SLC24A3: variants seen among roughly 807,000 people sequenced by gnomAD.
The protein encoded by SLC24A3 is sodium/potassium/calcium exchanger 3.
SLC24A3 carries 28 observed loss-of-function variants against 75.8 expected under a neutral mutation model. The observed-to-expected ratio is 0.37, with a 90% confidence interval of 0.27 to 0.51. The LOEUF (loss-of-function observed/expected upper bound fraction) is 0.51. Ranked by LOEUF, SLC24A3 falls within the 20% of genes least tolerant of loss-of-function variation. The pLI, the probability that SLC24A3 is intolerant of heterozygous loss-of-function variation, is 0.94. For synonymous variants in SLC24A3, 372 were observed against 334.1 expected (o/e 1.11, Z -1.24); for missense variants, 663 against 847.8 (o/e 0.78, Z 2.71).
chr20:19,213,126 A>G (rs913171333), intron 1 of SLC24A3, 142 bp downstream of exon 1: 1 of 932,656 alleles, frequency 1.1e-6, no homozygotes, highest in Non-Finnish European at 1.4e-6. Flanking sequence ...GTGGGATGCC[A>G]GGCACGAGGA....
chr20:19,277,930 C>CAG (rs1983533655), intron 1 of SLC24A3, among the ~76,000 whole-genome samples: 1 of 152,222 alleles, frequency 6.6e-6, no homozygotes, highest in Admixed American at 6.5e-5. Context: ...CAAAGCATTT[C>CAG]TCCTTGACCC....
intron 6 of SLC24A3, among the ~76,000 whole-genome samples, chr20:19,650,003 T>G (rs1056005420): frequency 6.6e-6 from 1 of 152,150 alleles, no homozygotes. Context: ...AATGGTGGTG[T>G]CAGAAAGGTA....
chr20:19,626,244 A>T (rs1467084680), intron 6 of SLC24A3, among the ~76,000 whole-genome samples: 2 of 152,184 alleles, frequency 1.3e-5, no homozygotes, highest in African/African-American at 4.8e-5. Context: ...GTCCAGAAAG[A>T]AATGCATTAT....
chr20:19,666,718 T>C (rs1461086398), intron 8 of SLC24A3, among the ~76,000 whole-genome samples: 1 of 152,098 alleles, frequency 6.6e-6, no homozygotes, highest in Non-Finnish European at 1.5e-5. Context: ...GCATGGTGGC[T>C]CATGCCTGTA....
At position 19,681,909 on chromosome 20, in the gene SLC24A3, G is replaced by C; in HGVS notation, c.819G>C (p.Gly273=). The C allele has an allele frequency of 6.2e-7, 1 of 1,614,150 alleles. No homozygotes were observed. Among genetic ancestry groups the C allele is most frequent in the East Asian group, 2.2e-5 (1 of 44,890 alleles). ...TTGAGAGGAGGACAAAAGGTGCCGG[G>C]AACATGGTCAACGGATTGGCCAACA... ...QCFERRTKGA[G]NMVNGLANNA... is the part of the protein sequence containing the mutation. Residue 273 remains glycine, a synonymous_variant, in exon 10 of 17, where the codon GGG becomes GGC. Coordinates refer to ENST00000328041, the MANE Select transcript of SLC24A3 (RefSeq NM_020689.4).
At chr20:19,382,285 A>G (rs1252174227) in intron 2 of SLC24A3, among the ~76,000 whole-genome samples, 2 of 152,210 alleles carry the variant, frequency 1.3e-5, no homozygotes, top group East Asian at 3.9e-4. Context: ...GATAGTGCAC[A>G]ATGCATGATC....
intron 1 of SLC24A3, among the ~76,000 whole-genome samples, chr20:19,270,789 G>T (rs1004339284): frequency 6.6e-6 from 1 of 151,940 alleles, no homozygotes; most frequent in African/African-American, 2.4e-5. Context: ...GAGGGGGAGG[G>T]GGAAGAGAAG....
chr20:19,229,239 TC>T (rs1344856874), intron 1 of SLC24A3, among the ~76,000 whole-genome samples: 17 of 152,298 alleles, frequency 1.1e-4, no homozygotes, highest in Admixed American at 3.9e-4. Context: ...TTTATTTTTT[TC>T]ATTGATAAAA....
intron 3 of SLC24A3, among the ~76,000 whole-genome samples, chr20:19,535,510 C>T (rs897112808): frequency 9.2e-5 from 14 of 152,160 alleles, no homozygotes; most frequent in Non-Finnish European, 4.4e-5. Flanking sequence ...CATACTGAGG[C>T]CTAGGCTTAA....
intron 1 of SLC24A3, among the ~76,000 whole-genome samples, chr20:19,238,164 CT>C (rs1300696625): frequency 8.5e-5 from 13 of 152,054 alleles, no homozygotes; most frequent in African/African-American, 3.1e-4. Context: ...GCACATGGTC[CT>C]TCCGAGTCAC....
At position 19,267,857 on chromosome 20, in the gene SLC24A3, T is replaced by C. The variant is rs368733555; in HGVS notation, c.143-13102T>C. Among the ~76,000 whole-genome samples the C allele has an allele frequency of 2.1e-3, 314 of 152,294 alleles. 9 individuals carry two copies. In the South Asian group the frequency reaches 0.061, roughly 29 times the overall value. Reference sequence around the variant, plus strand: ...GTGTTTTCTGAAAATATCCGCTAGGTGCACACTTAGCTGGTGGCCATGTCT... The same window carrying C: ...GTGTTTTCTGAAAATATCCGCTAGGCGCACACTTAGCTGGTGGCCATGTCT... On this transcript the variant is annotated intron_variant, in intron 1 of 16. Coordinates refer to ENST00000328041, the MANE Select transcript of SLC24A3 (RefSeq NM_020689.4).
intron 15 of SLC24A3, 88 bp downstream of exon 15, chr20:19,698,768 G>A (rs1373141131): frequency 2.1e-6 from 2 of 956,738 alleles, no homozygotes; most frequent in African/African-American, 3.3e-5. Flanking sequence ...TTTGTCTCGG[G>A]GAAAAAGGGG....
chr20:19,610,967 G>A (rs1276165220), intron 6 of SLC24A3, among the ~76,000 whole-genome samples: 1 of 152,212 alleles, frequency 6.6e-6, no homozygotes. Context: ...ATACAGGCAG[G>A]AACCAGCTGT....
At chr20:19,303,759 A>G (rs1984256180) in intron 2 of SLC24A3, among the ~76,000 whole-genome samples, 1 of 152,218 alleles carries the variant, frequency 6.6e-6, no homozygotes, top group African/African-American at 2.4e-5. Context: ...CGTGTGTTCC[A>G]AGGATGAGAA....
chr20:19,352,070 C>G (rs1265075424), intron 2 of SLC24A3, among the ~76,000 whole-genome samples: 2 of 145,430 alleles, frequency 1.4e-5, no homozygotes, highest in African/African-American at 5.2e-5. Flanking sequence ...AGGGGCTGCA[C>G]AGGGAGGATG....
chr20:19,719,908 G>A (rs1001910816), intron 16 of SLC24A3, among the ~76,000 whole-genome samples: 2 of 152,132 alleles, frequency 1.3e-5, no homozygotes, highest in African/African-American at 4.8e-5. Flanking sequence ...AGAAGGAAAC[G>A]GGCAAAGTGG....
chr20:19,625,091 G>C (rs1240471172), intron 6 of SLC24A3, among the ~76,000 whole-genome samples: 2 of 152,142 alleles, frequency 1.3e-5, no homozygotes, highest in Non-Finnish European at 2.9e-5. Context: ...CTTGTCATAA[G>C]AGTGGATGCT....
At chr20:19,272,162 C>T (rs949273708) in intron 1 of SLC24A3, among the ~76,000 whole-genome samples, 1 of 152,258 alleles carries the variant, frequency 6.6e-6, no homozygotes, top group Non-Finnish European at 1.5e-5. Flanking sequence ...TTCCCTGATC[C>T]TTGCAGCCCT....
At chr20:19,583,563 A>C (rs1329213083) in intron 4 of SLC24A3, among the ~76,000 whole-genome samples, 1 of 152,138 alleles carries the variant, frequency 6.6e-6, no homozygotes, top group African/African-American at 2.4e-5. Context: ...GGGGTATAAG[A>C]AGATACAGAG....
Sources: allele counts gnomAD v4.1 joint callset (sites outside exome capture counted in the v4.1 genomes callset), GRCh38; gene constraint gnomAD v4.1.1; transcripts MANE v1.5; gene names NCBI Gene and HGNC (gene_info 2026-07-23, HGNC 2026-07-21).